HABP2: variants seen among roughly 807,000 people sequenced by gnomAD.
HABP2 encodes hyaluronan binding protein 2, also known as factor VII-activating protease.
A neutral mutation model predicts 66.5 loss-of-function variants in HABP2; 65 were observed. That is an observed-to-expected ratio of 0.98 (90% CI 0.80 to 1.20). The LOEUF (loss-of-function observed/expected upper bound fraction) is 1.20, where lower values mean the gene tolerates loss of function less well. HABP2 is among the 50% of genes most tolerant of loss of function. HABP2 has a pLI of 0.00. For missense variants in HABP2, 786 were observed against 691.0 expected, an observed-to-expected ratio of 1.14 and a Z score of -1.54; for synonymous variants, 263 against 253.9, an observed-to-expected ratio of 1.04 and a Z score of -0.34.
intron 3 of HABP2, 41 bp downstream of exon 3, chr10:113,574,446 G>A (rs1381690300): frequency 1.0e-6 from 1 of 1,004,502 alleles, no homozygotes; most frequent in Admixed American, 1.7e-5. Flanking sequence ...CTGGGAGAAG[G>A]TCAGAGCGGA....
At chr10:113,555,956 G>A (rs997261191) in intron 1 of HABP2, among the ~76,000 whole-genome samples, 1 of 152,072 alleles carries the variant, frequency 6.6e-6, no homozygotes, top group African/African-American at 2.4e-5. Flanking sequence ...ATGGAATTTG[G>A]CCTCTCCAAG....
intron 2 of HABP2, among the ~76,000 whole-genome samples, chr10:113,571,562 G>A (rs1845312487): frequency 6.6e-6 from 1 of 152,118 alleles, no homozygotes; most frequent in African/African-American, 2.4e-5. Context: ...TCCATCTCTT[G>A]GTGGGAGAAA....
chr10:113,586,713 G>A (rs1592703179), intron 12 of HABP2, among the ~76,000 whole-genome samples: 1 of 152,062 alleles, frequency 6.6e-6, no homozygotes, highest in African/African-American at 2.4e-5. Flanking sequence ...AGAATCCCAG[G>A]AACACCTCCA....
intron 1 of HABP2, among the ~76,000 whole-genome samples, chr10:113,560,228 C>A (rs578222032): frequency 6.6e-6 from 1 of 152,240 alleles, no homozygotes; most frequent in Non-Finnish European, 1.5e-5. Context: ...AGTCTTGAGA[C>A]GGCATTGAGC....
intron 1 of HABP2, 34 bp from the exon 2 acceptor site, chr10:113,567,455 C>T: frequency 6.3e-7 from 1 of 1,585,048 alleles, no homozygotes. Context: ...AGCTCCATCT[C>T]AACGCTGATC....
chr10:113,578,020 T>G lies in HABP2; in HGVS notation c.449-6T>G. On this transcript the variant is annotated splice_polypyrimidine_tract_variant and splice_region_variant and intron_variant, in intron 5 of 12. Transcript: ENST00000351270. ...AGCCTTCCTGGCCCCATTCCTGTGT[T>G]CACAGTGGTTCCTGTATGCAGGCCA... 1 of 1,614,062 alleles carries G rather than the reference T, an allele frequency of 6.2e-7. No individual in the cohort carries two copies. Among genetic ancestry groups the G allele is most frequent in the African/African-American group, 1.3e-5 (1 of 75,052 alleles).
Position 113,588,500 on chromosome 10 carries a change from A to C in HABP2, c.*131A>C. 1 of 639,492 alleles carries C rather than the reference A, an allele frequency of 1.6e-6. No homozygotes were observed. Among genetic ancestry groups the C allele is most frequent in the South Asian group, 2.4e-5 (1 of 41,436 alleles). 39.6% of individuals were successfully genotyped at this position (639,492 alleles called of 1,614,324 possible). ...TAGACTATCCCTACTCTAAGCAGAG[A>C]CAACTGCCACCCAGCCTGGGCCTTC... On this transcript the variant is annotated 3_prime_UTR_variant, in exon 13 of 13. Transcript: ENST00000351270.
intron 1 of HABP2, among the ~76,000 whole-genome samples, chr10:113,562,724 C>A (rs1046401007): frequency 6.6e-6 from 1 of 152,220 alleles, no homozygotes; most frequent in Non-Finnish European, 1.5e-5. Context: ...GGATTACAGG[C>A]GTAAGCCACT....
At position 113,575,961 on chromosome 10, in the gene HABP2, A is replaced by T; in HGVS notation, c.288A>T (p.Thr96=). 6.2e-7 allele frequency: 1 copy of T among 1,611,854 alleles called. No homozygotes were observed. The highest frequency in any genetic ancestry group is 8.5e-7 in the Non-Finnish European group (1 of 1,177,922). ...GCCTCGTCCATGGGAGCACCTTCAC[A>T]TGCAGCTGCCTGGCTCCTTTCTCTG... ...GDCLVHGSTF[T]CSCLAPFSGN... is the part of the protein sequence containing the mutation. Residue 96 remains threonine, a synonymous_variant, in exon 4 of 13, where the codon ACA becomes ACT. Coordinates refer to ENST00000351270, the MANE Select transcript of HABP2 (RefSeq NM_004132.5).
chr10:113,586,919 C>T (rs2133788764), intron 12 of HABP2, among the ~76,000 whole-genome samples: 1 of 152,340 alleles, frequency 6.6e-6, no homozygotes, highest in East Asian at 1.9e-4. Flanking sequence ...CTGTGACTAT[C>T]TGTCTCTTCC....
At position 113,589,123 on chromosome 10, in the gene HABP2, A is replaced by AC. The variant is rs756947328; in HGVS notation, c.*759dup. On this transcript the variant is annotated 3_prime_UTR_variant, in exon 13 of 13. Coordinates refer to ENST00000351270, the MANE Select transcript of HABP2 (RefSeq NM_004132.5). The stretch of plus-strand genomic sequence containing the variant: ...CCCCAAGTTAAAATGAAGCTCCCCC[A>AC]CCCCCACTCCCGGCCCCGGTTCCCA... The AC allele has an allele frequency of 1.2e-5, 18 of 1,524,076 alleles. No homozygotes were observed. Among genetic ancestry groups the AC allele is most frequent in the Admixed American group, 3.4e-5 (2 of 58,898 alleles). 94.4% of individuals were successfully genotyped at this position (1,524,076 alleles called of 1,614,324 possible).
intron 7 of HABP2, among the ~76,000 whole-genome samples, chr10:113,579,825 C>T (rs1320111955): frequency 6.6e-6 from 1 of 151,950 alleles, no homozygotes; most frequent in Non-Finnish European, 1.5e-5. Flanking sequence ...CTCTGTCACC[C>T]AGGCTAGAGT....
intron 8 of HABP2, among the ~76,000 whole-genome samples, chr10:113,581,130 G>C (rs1845521162): frequency 6.6e-6 from 1 of 152,084 alleles, no homozygotes; most frequent in Non-Finnish European, 1.5e-5. Context: ...AGAATGATGT[G>C]CCCTTCCACC....
At chr10:113,575,645 A>G (rs1163838065) in intron 3 of HABP2, among the ~76,000 whole-genome samples, 1 of 152,194 alleles carries the variant, frequency 6.6e-6, no homozygotes, top group Non-Finnish European at 1.5e-5. Flanking sequence ...GTCCAAAGCC[A>G]GGCCGAGGGG....
intron 1 of HABP2, among the ~76,000 whole-genome samples, chr10:113,563,703 C>T (rs963430869): frequency 2.0e-5 from 3 of 152,224 alleles, no homozygotes; most frequent in African/African-American, 7.2e-5. Context: ...AGCCAGGATG[C>T]GCAATGCTGG....
At chr10:113,585,326 C>A (rs371510437) in intron 11 of HABP2, among the ~76,000 whole-genome samples, 1 of 152,112 alleles carries the variant, frequency 6.6e-6, no homozygotes, top group Non-Finnish European at 1.5e-5. Context: ...ATGTTCAAAG[C>A]CTTTATGTTC....
rs1314070402 is a variant in HABP2 at position 113,577,157 on chromosome 10, T to TA, written c.340dup (p.Thr114AsnfsTer26). The TA allele has an allele frequency of 1.9e-6, 3 of 1,593,400 alleles. No individual in the cohort carries two copies. The East Asian group carries it at 6.7e-5, about 36-fold the overall frequency. On this transcript the variant is annotated frameshift_variant, in exon 5 of 13. Transcript: ENST00000351270. LOFTEE classifies it high-confidence loss of function. ...GTTATGGATCTCCTACAGTGCAAAA[T>TA]ACGTGCAAGGACAACCCATGTGGCC...
Position 113,585,644 on chromosome 10 carries a change from G to A in HABP2, c.1373-149G>A, listed in dbSNP as rs189446791. On this transcript the variant is annotated intron_variant, in intron 11 of 12. Transcript: ENST00000351270. Reference sequence around the variant, plus strand: ...CTGCACTGGCATGGTGAAGGCTAAAGATGAGGCTTTTCTGCCCATATCCTG... The same window carrying A: ...CTGCACTGGCATGGTGAAGGCTAAAAATGAGGCTTTTCTGCCCATATCCTG... 30 of 651,268 alleles carry A rather than the reference G, an allele frequency of 4.6e-5. No homozygotes were observed. In the African/African-American group the frequency reaches 4.7e-4, roughly 10 times the overall value. 40.3% of individuals were successfully genotyped at this position (651,268 alleles called of 1,614,324 possible). A position where few individuals can be genotyped will look rare whatever the true frequency, so the allele number is the denominator to read the frequency against.
At chr10:113,562,816 T>C (rs149710998) in intron 1 of HABP2, among the ~76,000 whole-genome samples, 1 of 152,230 alleles carries the variant, frequency 6.6e-6, no homozygotes, top group Admixed American at 6.5e-5. Context: ...AACACCTGCC[T>C]CTCAAGGTTA....
Sources: allele counts gnomAD v4.1 joint callset (sites outside exome capture counted in the v4.1 genomes callset), GRCh38; gene constraint gnomAD v4.1.1; transcripts MANE v1.5; gene names NCBI Gene and HGNC (gene_info 2026-07-23, HGNC 2026-07-21).